The following PDE4B variants were observed in gnomAD, a reference collection of about 807,000 sequenced individuals.
PDE4B encodes the protein phosphodiesterase 4B.
A neutral mutation model predicts 82.2 loss-of-function variants in PDE4B; 20 were observed. The observed-to-expected ratio is 0.24, with a 90% CI of 0.17 to 0.35. The LOEUF (loss-of-function observed/expected upper bound fraction) is 0.35. Among genes scored for constraint, PDE4B ranks in the 10% least tolerant of loss-of-function variants. The pLI, the probability that PDE4B is intolerant of heterozygous loss-of-function variation, is 1.00. For synonymous variants in PDE4B, 320 were observed against 318.9 expected, an observed-to-expected ratio of 1.00 and a Z score of -0.04; for missense variants, 655 against 907.2, an observed-to-expected ratio of 0.72 and a Z score of 3.57.
At chr1:65,816,209 G>GTGTGTGTA (rs1187037226) in intron 1 of PDE4B, among the ~76,000 whole-genome samples, 1 of 69,782 alleles carries the variant, frequency 1.4e-5, no homozygotes, top group Non-Finnish European at 3.8e-5. Flanking sequence ...GTGTGTGTGT[G>GTGTGTGTA]TGTGTGTGTG....
chr1:65,849,724 A>C (rs1646308780), intron 1 of PDE4B, among the ~76,000 whole-genome samples: 1 of 152,216 alleles, frequency 6.6e-6, no homozygotes, highest in East Asian at 1.9e-4. Context: ...AAAAACAACA[A>C]CACAACTGTG....
chr1:66,262,644 C>A (rs893843791), intron 6 of PDE4B, among the ~76,000 whole-genome samples: 1 of 152,324 alleles, frequency 6.6e-6, no homozygotes. Flanking sequence ...TTCTGTCTGG[C>A]ATTCTCATGC....
At chr1:65,901,466 A>C (rs918175423) in intron 1 of PDE4B, among the ~76,000 whole-genome samples, 1 of 152,072 alleles carries the variant, frequency 6.6e-6, no homozygotes, top group African/African-American at 2.4e-5. Context: ...TCATAGAATG[A>C]ATTAGGGAGA....
rs113402828 is a variant in PDE4B, at chr1:66,048,100, C to T, written c.281+129265C>T. On this transcript the variant is annotated intron_variant, in intron 3 of 16. Transcript: ENST00000341517. ...GTTGCCTCACAGTAACTTGTCACTT[C>T]ACTTAAGCAGAAAGCTCACGGTTCT... Among the ~76,000 whole-genome samples, 1,276 of 152,034 alleles carry T rather than the reference C, an allele frequency of 8.4e-3. 16 individuals carry two copies. Among genetic ancestry groups the T allele is most frequent in the African/African-American group, 0.029 (1,193 of 41,526 alleles).
chr1:65,968,636 A>G (rs1649976772), intron 3 of PDE4B, among the ~76,000 whole-genome samples: 1 of 152,276 alleles, frequency 6.6e-6, no homozygotes, highest in East Asian at 1.9e-4. Context: ...CCTAAATTGC[A>G]TTTCCTTGTG....
chr1:66,213,738 A>G (rs905220494), intron 3 of PDE4B, among the ~76,000 whole-genome samples: 9 of 152,046 alleles, frequency 5.9e-5, no homozygotes, highest in Non-Finnish European at 8.8e-5. Context: ...ATTTATTTTC[A>G]CTTAGAATTT....
intron 8 of PDE4B, among the ~76,000 whole-genome samples, chr1:66,353,349 C>A (rs1434824764): frequency 6.6e-5 from 10 of 152,122 alleles, no homozygotes; most frequent in Admixed American, 6.5e-4. Context: ...AGCCAGCAGG[C>A]AGAAATACTG....
intron 3 of PDE4B, among the ~76,000 whole-genome samples, chr1:66,096,508 T>TTATATATATATATATATATATATAA (rs1645118231): frequency 9.3e-6 from 1 of 107,328 alleles, no homozygotes; most frequent in African/African-American, 3.4e-5. Context: ...GTAAAAAAAA[T>TTATATATATATATATATATATATAA]TATATATATA....
intron 3 of PDE4B, among the ~76,000 whole-genome samples, chr1:65,955,072 C>G (rs1250794976): frequency 6.6e-6 from 1 of 152,074 alleles, no homozygotes; most frequent in African/African-American, 2.4e-5. Context: ...AAAACAGACG[C>G]TTGGCACTTG....
intron 1 of PDE4B, among the ~76,000 whole-genome samples, chr1:65,798,120 C>A (rs1170724481): frequency 6.6e-6 from 1 of 151,938 alleles, no homozygotes; most frequent in African/African-American, 2.4e-5. Flanking sequence ...CGGGTTCAAG[C>A]AATTCTTCTG....
intron 3 of PDE4B, among the ~76,000 whole-genome samples, chr1:66,076,262 G>A (rs1281169734): frequency 6.6e-6 from 1 of 152,116 alleles, no homozygotes; most frequent in African/African-American, 2.4e-5. Flanking sequence ...CCACTTGTAA[G>A]TGAGAACATG....
chr1:66,281,978 G>T (rs897650597), intron 7 of PDE4B, among the ~76,000 whole-genome samples: 21 of 152,154 alleles, frequency 1.4e-4, no homozygotes, highest in African/African-American at 4.6e-4. Flanking sequence ...GCCTTGTTTG[G>T]CTCAGAAGCC....
At chr1:66,125,764 G>A (rs1645810412) in intron 3 of PDE4B, among the ~76,000 whole-genome samples, 1 of 152,144 alleles carries the variant, frequency 6.6e-6, no homozygotes, top group South Asian at 2.1e-4. Context: ...TCAAAAATTT[G>A]TTGAACATTA....
At chr1:66,224,756 G>A (rs554276463) in intron 3 of PDE4B, among the ~76,000 whole-genome samples, 9 of 152,124 alleles carry the variant, frequency 5.9e-5, no homozygotes, top group Admixed American at 3.3e-4. Flanking sequence ...CAAACAACTC[G>A]AGCTCATTCT....
intron 3 of PDE4B, among the ~76,000 whole-genome samples, chr1:66,090,717 GTA>G (rs1240065001): frequency 2.0e-5 from 3 of 148,786 alleles, no homozygotes; most frequent in Non-Finnish European, 4.4e-5. Context: ...ATATGTGTGT[GTA>G]TATGTATATG....
chr1:66,277,203 G>A (rs1655942280), intron 7 of PDE4B, among the ~76,000 whole-genome samples: 2 of 151,968 alleles, frequency 1.3e-5, no homozygotes, highest in Non-Finnish European at 2.9e-5. Flanking sequence ...CAGAGAACTG[G>A]GCACTTTGAA....
At chr1:65,870,194 A>T (rs931735125) in intron 1 of PDE4B, among the ~76,000 whole-genome samples, 6 of 152,198 alleles carry the variant, frequency 3.9e-5, no homozygotes, top group Admixed American at 2.0e-4. Context: ...CTCCAAGCTG[A>T]ATAAATTGCA....
At chr1:66,292,163 C>A (rs1570636963) in intron 7 of PDE4B, among the ~76,000 whole-genome samples, 2 of 152,270 alleles carry the variant, frequency 1.3e-5, no homozygotes, top group South Asian at 2.1e-4. Context: ...ATTTTCTCTT[C>A]TTTTCCTATT....
At chr1:66,332,329 C>A (rs1660178210) in intron 7 of PDE4B, 179 bp from the exon 8 acceptor site, 1 of 1,593,964 alleles carries the variant, frequency 6.3e-7, no homozygotes, top group South Asian at 1.1e-5. Context: ...CCAGGCAGAG[C>A]ACCACTGTGA....
Sources: allele counts gnomAD v4.1 joint callset (sites outside exome capture counted in the v4.1 genomes callset), GRCh38; gene constraint gnomAD v4.1.1; transcripts MANE v1.5; gene names NCBI Gene and HGNC (gene_info 2026-07-23, HGNC 2026-07-21).